Variants in ARRB1 observed in about 807,000 individuals in gnomAD.
The protein encoded by ARRB1 is beta-arrestin-1.
In ARRB1, 21 loss-of-function variants were observed where a neutral mutation model predicts 56.8. The ratio of observed to expected loss-of-function variants is 0.37; its 90% confidence interval spans 0.26 to 0.53. ARRB1 has a LOEUF of 0.53. Among genes scored for constraint, ARRB1 ranks in the 20% least tolerant of loss-of-function variants. ARRB1 has a pLI of 0.88. For synonymous variants in ARRB1, 210 were observed against 218.6 expected, an observed-to-expected ratio of 0.96 and a Z score of 0.35; for missense variants, 424 against 553.7, an observed-to-expected ratio of 0.77 and a Z score of 2.35.
chr11:75,281,815 C>T, intron 6 of ARRB1, 147 bp downstream of exon 6: 2 of 777,212 alleles, frequency 2.6e-6, no homozygotes, highest in Non-Finnish European at 4.2e-6. Flanking sequence ...ACTGGTTGTC[C>T]AAGGTGGGAC....
intron 1 of ARRB1, among the ~76,000 whole-genome samples, chr11:75,351,182 G>A (rs1001822529): frequency 1.3e-5 from 2 of 152,200 alleles, no homozygotes; most frequent in East Asian, 3.9e-4. Context: ...TGTGTTGACC[G>A]AGGCGTGTAT....
chr11:75,301,722 C>T (rs1946909497), intron 1 of ARRB1, among the ~76,000 whole-genome samples: 3 of 152,118 alleles, frequency 2.0e-5, no homozygotes, highest in African/African-American at 7.2e-5. Context: ...CAGGTGGCAG[C>T]GGCTGCAGAG....
intron 1 of ARRB1, among the ~76,000 whole-genome samples, chr11:75,293,536 C>T (rs542704523): frequency 6.6e-6 from 1 of 152,338 alleles, no homozygotes; most frequent in African/African-American, 2.4e-5. Flanking sequence ...ACGTCCAAGA[C>T]TGGTCAAAGC....
At chr11:75,343,855 G>A (rs377755856) in intron 1 of ARRB1, among the ~76,000 whole-genome samples, 9 of 151,482 alleles carry the variant, frequency 5.9e-5, no homozygotes, top group Admixed American at 1.3e-4. Context: ...TCCCTCTGTC[G>A]CCCAGGCTGG....
At chr11:75,319,588 C>T (rs1249576993) in intron 1 of ARRB1, among the ~76,000 whole-genome samples, 1 of 152,182 alleles carries the variant, frequency 6.6e-6, no homozygotes, top group Non-Finnish European at 1.5e-5. Context: ...ATCAGGTCAC[C>T]CTGCGATTTC....
chr11:75,274,520 A>G lies in ARRB1; in HGVS notation c.777-309T>C, dbSNP rs564973463. The G allele has an allele frequency of 1.3e-3, 323 of 251,546 alleles. 1 individual carries two copies. Among genetic ancestry groups the G allele is most frequent in the African/African-American group, 6.6e-3 (301 of 45,902 alleles). The allele number at this position is 251,546 out of a possible 1,614,324, so 15.6% of individuals were successfully genotyped here. On this transcript the variant is annotated intron_variant, in intron 10 of 15. Coordinates refer to ENST00000420843, the MANE Select transcript of ARRB1 (RefSeq NM_004041.5). ...TAAAGAATTACAGCCAGCCGGGTGC[A>G]GTGGCTCACGCCTGTAATCCCAGCA...
At chr11:75,321,308 A>G (rs1174127049) in intron 1 of ARRB1, among the ~76,000 whole-genome samples, 1 of 107,346 alleles carries the variant, frequency 9.3e-6, no homozygotes, top group Non-Finnish European at 1.8e-5. Flanking sequence ...TCAGGACTCT[A>G]TTATGGCAGA....
At chr11:75,329,117 A>T (rs1304947622) in intron 1 of ARRB1, among the ~76,000 whole-genome samples, 1 of 144,004 alleles carries the variant, frequency 6.9e-6, no homozygotes, top group African/African-American at 2.6e-5. Context: ...TTTTTGAGAC[A>T]AGTTCTTGCT....
intron 1 of ARRB1, among the ~76,000 whole-genome samples, chr11:75,325,384 C>T (rs1478601769): frequency 2.0e-5 from 3 of 152,210 alleles, no homozygotes. Flanking sequence ...TGCAGTGGCA[C>T]AATCTCAGCT....
intron 10 of ARRB1, among the ~76,000 whole-genome samples, chr11:75,276,214 G>GAA (rs5792683): frequency 6.3e-4 from 95 of 151,444 alleles, no homozygotes; most frequent in Middle Eastern, 3.4e-3. Flanking sequence ...GCAGGGCCAG[G>GAA]AAAAAAAAAT....
chr11:75,297,728 GGTGGCAGGCACCT>G, intron 1 of ARRB1, among the ~76,000 whole-genome samples: 1 of 151,784 alleles, frequency 6.6e-6, no homozygotes, highest in East Asian at 1.9e-4. Context: ...AGCCAGGTGT[GGTGGCAGGCACCT>G]GTAATCCCAG....
chr11:75,344,812 C>T (rs1235919950), intron 1 of ARRB1, among the ~76,000 whole-genome samples: 2 of 152,154 alleles, frequency 1.3e-5, no homozygotes, highest in Admixed American at 6.5e-5. Flanking sequence ...CAGTCCAGTT[C>T]GACAAGCCTC....
At chr11:75,305,018 C>CTTTCTTTTT (rs1554978721) in intron 1 of ARRB1, among the ~76,000 whole-genome samples, 2 of 86,732 alleles carry the variant, frequency 2.3e-5, no homozygotes, top group Non-Finnish European at 4.5e-5. Context: ...TTCTTTCTTT[C>CTTTCTTTTT]TTTTTTTTTT....
chr11:75,294,355 A>G (rs1233570508), intron 1 of ARRB1, among the ~76,000 whole-genome samples: 3 of 152,042 alleles, frequency 2.0e-5, no homozygotes, highest in African/African-American at 2.4e-5. Flanking sequence ...TCAGGAGTTC[A>G]AGACCAGCCT....
chr11:75,279,709 C>A (rs1442597035), intron 7 of ARRB1, among the ~76,000 whole-genome samples: 1 of 152,054 alleles, frequency 6.6e-6, no homozygotes, highest in Non-Finnish European at 1.5e-5. Context: ...ACTCTGTTGC[C>A]CAGGCTGGAG....
At chr11:75,312,093 T>C (rs1947175343) in intron 1 of ARRB1, 1 of 1,289,596 alleles carries the variant, frequency 7.8e-7, no homozygotes, top group South Asian at 1.2e-5. Flanking sequence ...TCTCCTTCCA[T>C]GGCCTCTCCT....
Position 75,264,346 on chromosome 11 carries a change from T to C in ARRB1, c.*1817A>G, listed in dbSNP as rs1455016706. On this transcript the variant is annotated 3_prime_UTR_variant, in exon 16 of 16. Transcript: ENST00000420843. The stretch of plus-strand genomic sequence containing the variant: ...TTTTCAGACAAGTATGGGAGAGAGA[T>C]GGAAGGGAGCAGAAACTGAGGAGAG... The C allele has an allele frequency of 1.3e-5, 2 of 152,234 alleles. No homozygotes were observed. Among genetic ancestry groups the C allele is most frequent in the Admixed American group, 6.5e-5 (1 of 15,292 alleles). The allele number at this position is 152,234 out of a possible 1,614,324, so 9.4% of individuals were successfully genotyped here.
Position 75,317,422 on chromosome 11 carries a change from G to A in ARRB1, c.21-27383C>T, listed in dbSNP as rs191507217. Among the ~76,000 whole-genome samples the A allele has an allele frequency of 2.2e-4, 33 of 151,688 alleles. 2 individuals carry two copies. The East Asian group carries it at 3.1e-3, about 14-fold the overall frequency. ...AGTGCTGCTGCCTCCCCCAACCCCC[G>A]ACGGCATCCTCACCCCCACACCCGG... On this transcript the variant is annotated intron_variant, in intron 1 of 15. Transcript: ENST00000420843.
At chr11:75,269,100 G>T in intron 13 of ARRB1, 141 bp from the exon 14 acceptor site, 1 of 883,128 alleles carries the variant, frequency 1.1e-6, no homozygotes, top group Non-Finnish European at 1.9e-6. Context: ...TCCAGCCCCA[G>T]TTCTGCCACT....
Sources: gnomAD v4.1 joint callset for allele counts (sites outside exome capture counted in the v4.1 genomes callset) on GRCh38, gnomAD v4.1.1 for gene constraint, MANE v1.5 for transcripts, NCBI Gene and HGNC (gene_info 2026-07-23, HGNC 2026-07-21) for gene names.